N4BP2: variants seen among roughly 807,000 people sequenced by gnomAD.
N4BP2 encodes the protein NEDD4-binding protein 2.
Under a neutral mutation model 152.8 loss-of-function variants are expected in N4BP2, and 91 were observed. The observed-to-expected ratio is 0.60, with a 90% confidence interval of 0.50 to 0.71. N4BP2 has a LOEUF of 0.71. N4BP2 is among the 30% of genes least tolerant of loss of function. The pLI, the probability that N4BP2 is intolerant of heterozygous loss-of-function variation, is 0.00. For missense variants in N4BP2, 1,923 were observed against 2,059.1 expected, an observed-to-expected ratio of 0.93 and a Z score of 1.28; for synonymous variants, 646 against 705.3, an observed-to-expected ratio of 0.92 and a Z score of 1.33.
chr4:40,090,940 A>AC lies in N4BP2; in HGVS notation c.-114-6287_-114-6286insC. ...AGAGCGAGACTCAGTCTCAAAAAAA[A>AC]AAAAAAAAAAAAAGTTTATAAGATC... On this transcript the variant is annotated intron_variant, in intron 2 of 17. Transcript: ENST00000261435. Among the ~76,000 whole-genome samples the AC allele has an allele frequency of 5.7e-5, 2 of 35,300 alleles. 1 individual carries two copies. The highest frequency in any genetic ancestry group is 6.3e-3 in the East Asian group (2 of 316). 23.2% of individuals were successfully genotyped at this position (35,300 alleles called of 152,430 possible). A position where few individuals can be genotyped will look rare whatever the true frequency, so the allele number is the denominator to read the frequency against.
intron 13 of N4BP2, among the ~76,000 whole-genome samples, chr4:40,134,757 C>T (rs545103560): frequency 6.6e-6 from 1 of 152,046 alleles, no homozygotes; most frequent in African/African-American, 2.4e-5. Flanking sequence ...CACATGGCTT[C>T]CTTTCAAGGG....
intron 16 of N4BP2, among the ~76,000 whole-genome samples, chr4:40,149,230 A>C (rs763469183): frequency 1.1e-4 from 16 of 152,262 alleles, no homozygotes; most frequent in Non-Finnish European, 2.4e-4. Flanking sequence ...TAGAGAAACA[A>C]AATGTGGTAA....
chr4:40,151,661 G>T (rs976342556), intron 16 of N4BP2, among the ~76,000 whole-genome samples: 2 of 152,122 alleles, frequency 1.3e-5, no homozygotes, highest in African/African-American at 2.4e-5. Flanking sequence ...TAAAAAGTTC[G>T]TAAAAAGGTT....
intron 1 of N4BP2, among the ~76,000 whole-genome samples, chr4:40,059,111 C>A (rs971199566): frequency 1.3e-5 from 2 of 152,212 alleles, no homozygotes; most frequent in Admixed American, 1.3e-4. Flanking sequence ...GTGACCACCA[C>A]GCCCGCCCGG....
downstream of N4BP2, among the ~76,000 whole-genome samples, chr4:40,160,156 C>T (rs1721819785): frequency 6.6e-6 from 1 of 152,142 alleles, no homozygotes; most frequent in Admixed American, 6.5e-5. Flanking sequence ...TGTATATGAT[C>T]CTGTTCTAGC....
At chr4:40,176,733 A>C in the N4BP2 span, among the ~76,000 whole-genome samples, 193 of 152,370 alleles carry the variant, frequency 1.3e-3, no homozygotes, top group Non-Finnish European at 2.2e-3. Context: ...TGAGACAGCC[A>C]TGTGGGAGAG....
downstream of N4BP2, among the ~76,000 whole-genome samples, chr4:40,160,904 TAAAGAC>T (rs1303463384): frequency 6.6e-6 from 1 of 152,060 alleles, no homozygotes; most frequent in Non-Finnish European, 1.5e-5. Flanking sequence ...ACAGCAGACT[TAAAGAC>T]TAAGACACTC....
chr4:40,185,367 G>A, the N4BP2 span, among the ~76,000 whole-genome samples: 1 of 152,032 alleles, frequency 6.6e-6, no homozygotes, highest in African/African-American at 2.4e-5. Flanking sequence ...AAAGGCTATT[G>A]TAAATTGAAT....
At chr4:40,075,609 G>T (rs1207636297) in intron 2 of N4BP2, among the ~76,000 whole-genome samples, 1 of 152,082 alleles carries the variant, frequency 6.6e-6, no homozygotes, top group Non-Finnish European at 1.5e-5. Context: ...TATTGGCCAG[G>T]CTGGTCTGGA....
chr4:40,120,947 C>G lies in N4BP2; in HGVS notation c.2836C>G (p.Leu946Val). The G allele has an allele frequency of 6.2e-7, 1 of 1,614,148 alleles. No homozygotes were observed. Among genetic ancestry groups the G allele is most frequent in the Non-Finnish European group, 8.5e-7 (1 of 1,180,016 alleles). Residue 946 changes from leucine (L) to valine (V), a missense_variant, in exon 9 of 18, where the codon CTA becomes GTA. Physicochemically the swap from Leu to Val is conservative, Grantham distance 32. Coordinates refer to ENST00000261435, the MANE Select transcript of N4BP2 (RefSeq NM_018177.6). Reference protein sequence around the residue: ...QKLKTLGSSNLGSSEMLLSEM... With the variant: ...QKLKTLGSSNVGSSEMLLSEM... The stretch of plus-strand genomic sequence containing the variant: ...ACTAAAGACATTGGGTAGCTCCAAT[C>G]TAGGAAGTTCTGAAATGCTGCTCAG...
chr4:40,090,823 C>T (rs1714455764), intron 2 of N4BP2, among the ~76,000 whole-genome samples: 1 of 151,566 alleles, frequency 6.6e-6, no homozygotes, highest in African/African-American at 2.4e-5. Flanking sequence ...AACCCAGCTA[C>T]TCAGGAGGCT....
At chr4:40,061,163 G>T (rs1338688971) in intron 1 of N4BP2, among the ~76,000 whole-genome samples, 1 of 151,454 alleles carries the variant, frequency 6.6e-6, no homozygotes, top group African/African-American at 2.4e-5. Context: ...AAGGTTATTA[G>T]TGTCTTTATT....
At chr4:40,095,412 T>C (rs1031264660) in intron 2 of N4BP2, among the ~76,000 whole-genome samples, 2 of 152,256 alleles carry the variant, frequency 1.3e-5, no homozygotes, top group African/African-American at 4.8e-5. Flanking sequence ...TGATCCTTTA[T>C]CATTACACAG....
the N4BP2 span, among the ~76,000 whole-genome samples, chr4:40,180,217 A>G: frequency 1.3e-5 from 2 of 152,226 alleles, no homozygotes; most frequent in Non-Finnish European, 1.5e-5. Context: ...CAACTTTTCT[A>G]AACTGATATA....
At chr4:40,101,924 A>G (rs1715690062) in intron 3 of N4BP2, 151 bp from the exon 4 acceptor site, 1 of 448,236 alleles carries the variant, frequency 2.2e-6, no homozygotes, top group South Asian at 7.2e-5. Context: ...TTAATAAAAT[A>G]TTAATTTTTT....
chr4:40,112,031 A>G, intron 5 of N4BP2, 53 bp from the exon 6 acceptor site: 4 of 957,382 alleles, frequency 4.2e-6, no homozygotes, highest in Non-Finnish European at 6.4e-6. Flanking sequence ...TTTGAAAATC[A>G]TAATACTTAG....
Position 40,121,534 on chromosome 4 carries a change from C to T in N4BP2, c.3423C>T (p.Phe1141=). ...KLCEDTEFEN[F]QKSCDGSQIG... is the part of the protein sequence containing the mutation. ...GTGAGGATACAGAGTTTGAGAATTT[C>T]CAAAAATCGTGTGATGGATCACAAA... Residue 1141 remains phenylalanine, a synonymous_variant, in exon 9 of 18, where the codon TTC becomes TTT. Coordinates refer to ENST00000261435, the MANE Select transcript of N4BP2 (RefSeq NM_018177.6). The T allele has an allele frequency of 3.1e-6, 5 of 1,614,026 alleles. No homozygotes were observed. The highest frequency in any genetic ancestry group is 4.2e-6 in the Non-Finnish European group (5 of 1,179,990).
intron 9 of N4BP2, among the ~76,000 whole-genome samples, 198 bp downstream of exon 9, chr4:40,122,507 G>A (rs1226231528): frequency 6.6e-6 from 1 of 152,054 alleles, no homozygotes; most frequent in African/African-American, 2.4e-5. Flanking sequence ...CAGAGTAGCT[G>A]GGATTATAGG....
At chr4:40,140,621 T>C (rs1719831927) in intron 14 of N4BP2, among the ~76,000 whole-genome samples, 1 of 151,970 alleles carries the variant, frequency 6.6e-6, no homozygotes, top group African/African-American at 2.4e-5. Flanking sequence ...TGATCATTCT[T>C]GGGTGTTTCT....
Sources: gnomAD v4.1 joint callset for allele counts (sites outside exome capture counted in the v4.1 genomes callset) on GRCh38, gnomAD v4.1.1 for gene constraint, MANE v1.5 for transcripts, NCBI Gene and HGNC (gene_info 2026-07-23, HGNC 2026-07-21) for gene names.